Variants in PCDHA4 observed in about 807,000 individuals in gnomAD.
PCDHA4 encodes protocadherin alpha-4.
Under a neutral mutation model 61.4 loss-of-function variants are expected in PCDHA4, and 49 were observed. The observed-to-expected ratio is 0.80, with a 90% CI of 0.63 to 1.01. The LOEUF is 1.01. PCDHA4 is among the 50% of genes least tolerant of loss of function. The pLI, the probability that PCDHA4 is intolerant of heterozygous loss-of-function variation, is 0.00. For missense variants in PCDHA4, 1,254 were observed against 1,235.8 expected, an observed-to-expected ratio of 1.01 and a Z score of -0.22; for synonymous variants, 590 against 550.3, an observed-to-expected ratio of 1.07 and a Z score of -1.01.
chr5:140,901,175 T>C (rs2068484045), intron 1 of PCDHA4, among the ~76,000 whole-genome samples: 1 of 152,162 alleles, frequency 6.6e-6, no homozygotes, highest in African/African-American at 2.4e-5. Context: ...CTTCACTTTG[T>C]TGATTGTTTG....
Position 140,982,581 on chromosome 5 carries a change from C to T in PCDHA4, c.2533+18C>T, listed in dbSNP as rs782060139. On this transcript the variant is annotated intron_variant, in intron 3 of 3. Transcript: ENST00000530339. ...AACACCAGGTAAAGAGCTGGGGTCT[C>T]TCCATTCTTTCTTGGTTTCTGGAAA... 9 of 1,612,098 alleles carry T rather than the reference C, an allele frequency of 5.6e-6. No individual in the cohort carries two copies. The highest frequency in any genetic ancestry group is 4.0e-5 in the African/African-American group (3 of 74,892).
chr5:140,858,033 C>T (rs1249815194), intron 1 of PCDHA4: 2 of 1,597,066 alleles, frequency 1.3e-6, no homozygotes, highest in Non-Finnish European at 1.7e-6. Context: ...ACGGCCACGG[C>T]CACTGTGCTT....
At chr5:140,892,469 A>T (rs557049666) in intron 1 of PCDHA4, among the ~76,000 whole-genome samples, 1 of 152,184 alleles carries the variant, frequency 6.6e-6, no homozygotes, top group Admixed American at 6.5e-5. Context: ...ACGGTTATTC[A>T]GTTTCCTAGC....
At chr5:140,962,665 C>T (rs1457197885) in intron 1 of PCDHA4, among the ~76,000 whole-genome samples, 1 of 152,146 alleles carries the variant, frequency 6.6e-6, no homozygotes, top group African/African-American at 2.4e-5. Flanking sequence ...TTTTCATCTT[C>T]CCATCCACTG....
rs1451679036 is a variant in PCDHA4, at chr5:140,876,215, A to C, written c.2385+66643A>C. On this transcript the variant is annotated intron_variant, in intron 1 of 3. Coordinates refer to ENST00000530339, the MANE Select transcript of PCDHA4 (RefSeq NM_018907.4). ...CCGGCGTTTGATAAGCCCAGCTATA[A>C]AGTAGTGTTGTCTGAAAATGTCCAA... The C allele has an allele frequency of 1.2e-6, 2 of 1,613,890 alleles. No homozygotes were observed. The highest frequency in any genetic ancestry group is 1.7e-6 in the Non-Finnish European group (2 of 1,179,898).
At chr5:140,968,437 A>G (rs1267054987) in intron 1 of PCDHA4, 2 of 1,614,072 alleles carry the variant, frequency 1.2e-6, no homozygotes, top group Admixed American at 3.3e-5. Context: ...AGGGGAGCCC[A>G]CCACTGAGCA....
intron 1 of PCDHA4, chr5:140,881,320 A>G (rs186641452): frequency 3.0e-6 from 3 of 983,610 alleles, no homozygotes; most frequent in East Asian, 1.1e-4. Context: ...GTTAAATTCT[A>G]TTTAACCAGG....
In PCDHA4 at chr5:140,947,881, A is replaced by G. The variant is rs191017624; in HGVS notation, c.2386-31068A>G. On this transcript the variant is annotated intron_variant, in intron 1 of 3. Transcript: ENST00000530339. ...TATAATGGCTAGGACTTCCAGGACA[A>G]TATAAACAGAAGTGGTGAGAGCAGA... 2.7e-3 allele frequency among the ~76,000 whole-genome samples: 417 copies of G among 151,684 alleles called. 2 individuals carry two copies. Among genetic ancestry groups the G allele is most frequent in the Middle Eastern group, 0.014 (4 of 294 alleles).
chr5:140,822,668 C>T (rs2150118431), intron 1 of PCDHA4: 1 of 1,607,766 alleles, frequency 6.2e-7, no homozygotes, highest in Non-Finnish European at 8.5e-7. Context: ...AATTCTAATA[C>T]TGGTGAAATA....
intron 3 of PCDHA4, among the ~76,000 whole-genome samples, chr5:140,989,611 A>G (rs2097350612): frequency 6.6e-6 from 1 of 152,232 alleles, no homozygotes. Flanking sequence ...ACTAAAAATG[A>G]AAGTCTGTCC....
At chr5:140,849,170 C>T in intron 1 of PCDHA4, 2 of 1,111,514 alleles carry the variant, frequency 1.8e-6, no homozygotes, top group East Asian at 2.6e-5. Context: ...TGACTGGCAC[C>T]GTTCAATTAC....
chr5:140,848,498 G>A, intron 1 of PCDHA4: 1 of 1,584,262 alleles, frequency 6.3e-7, no homozygotes. Context: ...TATTTGAAAT[G>A]TTATACTCAA....
intron 1 of PCDHA4, chr5:140,863,447 G>A: frequency 1.7e-6 from 1 of 575,684 alleles, no homozygotes; most frequent in Non-Finnish European, 3.3e-6. Flanking sequence ...CTTACTCGCA[G>A]CAAAGGAGAT....
chr5:140,836,700 A>C, intron 1 of PCDHA4: 1 of 1,613,438 alleles, frequency 6.2e-7, no homozygotes, highest in Non-Finnish European at 8.5e-7. Context: ...CATGGCCTTC[A>C]GTCCCAGCCT....
At position 140,845,294 on chromosome 5, in the gene PCDHA4, A is replaced by G. The variant is rs2150378014; in HGVS notation, c.2385+35722A>G. Among the ~76,000 whole-genome samples, 474 of 149,590 alleles carry G rather than the reference A, an allele frequency of 3.2e-3. 41 individuals are homozygous for G. The highest frequency in any genetic ancestry group is 5.1e-3 in the Non-Finnish European group (342 of 66,782). On this transcript the variant is annotated intron_variant, in intron 1 of 3. Transcript: ENST00000530339. Reference sequence around the variant, plus strand: ...GAAAGTAATATTTCCTATCCTGTCTATGTCTACCTGGTTCTCAGGTATTAC... The same window carrying G: ...GAAAGTAATATTTCCTATCCTGTCTGTGTCTACCTGGTTCTCAGGTATTAC...
chr5:140,843,844 A>G lies in PCDHA4; in HGVS notation c.2385+34272A>G, dbSNP rs2150367130. Reference sequence around the variant, plus strand: ...TTTAAACATTGTTTAGTTTTTAGAAACCTTTTATAATTAATTGAATTTTCT... The same window carrying G: ...TTTAAACATTGTTTAGTTTTTAGAAGCCTTTTATAATTAATTGAATTTTCT... On this transcript the variant is annotated intron_variant, in intron 1 of 3. Coordinates refer to ENST00000530339, the MANE Select transcript of PCDHA4 (RefSeq NM_018907.4). 3.0e-6 allele frequency: 3 copies of G among 1,001,290 alleles called. No individual in the cohort carries two copies. The East Asian group carries it at 7.5e-5, about 25-fold the overall frequency. 62.0% of individuals were successfully genotyped at this position (1,001,290 alleles called of 1,614,324 possible). A position where few individuals can be genotyped will look rare whatever the true frequency, so the allele number is the denominator to read the frequency against.
chr5:140,842,979 T>C (rs2150349093), intron 1 of PCDHA4: 1 of 1,594,876 alleles, frequency 6.3e-7, no homozygotes, highest in Non-Finnish European at 8.6e-7. Context: ...ACGCTGCAGG[T>C]GTTCGTGCTG....
intron 3 of PCDHA4, among the ~76,000 whole-genome samples, chr5:141,008,162 G>A (rs1280112352): frequency 6.6e-6 from 1 of 152,128 alleles, no homozygotes; most frequent in East Asian, 1.9e-4. Flanking sequence ...ATAAGATGAG[G>A]ACTAAAATGT....
At chr5:141,000,415 A>ATT (rs1563651650) in intron 3 of PCDHA4, among the ~76,000 whole-genome samples, 4 of 87,388 alleles carry the variant, frequency 4.6e-5, no homozygotes, top group African/African-American at 1.5e-4. Flanking sequence ...ATATATATAT[A>ATT]TATATATTTT....
Sources: allele counts gnomAD v4.1 joint callset (sites outside exome capture counted in the v4.1 genomes callset), GRCh38; gene constraint gnomAD v4.1.1; transcripts MANE v1.5; gene names NCBI Gene and HGNC (gene_info 2026-07-23, HGNC 2026-07-21).